The following MICAL2 variants were observed in gnomAD, a reference collection of about 807,000 sequenced individuals.
MICAL2 encodes the protein [F-actin]-monooxygenase MICAL2.
Under a neutral mutation model 127.3 loss-of-function variants are expected in MICAL2, and 77 were observed. The ratio of observed to expected loss-of-function variants is 0.60; its 90% CI spans 0.50 to 0.73. MICAL2 has a LOEUF of 0.73. Among genes scored for constraint, MICAL2 ranks in the 30% least tolerant of loss-of-function variants. The probability of loss-of-function intolerance (pLI) is 0.00; values close to 1 mark genes in which losing one functional copy is unlikely to be tolerated. For missense variants in MICAL2, 1,351 were observed against 1,434.4 expected (o/e 0.94, Z 0.94); for synonymous variants, 570 against 551.1 (o/e 1.03, Z -0.48).
At chr11:12,343,024 A>G (rs568914387) in intron 32 of MICAL2, among the ~76,000 whole-genome samples, 19 of 152,254 alleles carry the variant, frequency 1.2e-4, no homozygotes, top group African/African-American at 4.6e-4. Context: ...CCTGAACCCA[A>G]TACTTTGGGA....
chr11:12,200,625 G>C (rs954267025), intron 3 of MICAL2, among the ~76,000 whole-genome samples: 1 of 152,208 alleles, frequency 6.6e-6, no homozygotes, highest in African/African-American at 2.4e-5. Flanking sequence ...AATTAGGCCC[G>C]TTGGTATTTG....
At chr11:12,314,023 G>T (rs1864204402) in intron 29 of MICAL2, among the ~76,000 whole-genome samples, 1 of 80,896 alleles carries the variant, frequency 1.2e-5, no homozygotes. Context: ...TTTTTCACAT[G>T]ATATCCCGTT....
At chr11:12,211,615 T>C (rs1855480359) in intron 6 of MICAL2, among the ~76,000 whole-genome samples, 1 of 152,134 alleles carries the variant, frequency 6.6e-6, no homozygotes, top group South Asian at 2.1e-4. Context: ...AAAGGTCAGA[T>C]GACAGCAAGA....
chr11:12,185,112 G>C (rs1406102052), intron 3 of MICAL2, among the ~76,000 whole-genome samples: 1 of 38,154 alleles, frequency 2.6e-5, no homozygotes, highest in Non-Finnish European at 5.5e-5. Flanking sequence ...TAGGTGGGTG[G>C]GTGGGTGGGT....
intron 3 of MICAL2, among the ~76,000 whole-genome samples, chr11:12,182,713 G>C (rs1857631477): frequency 6.6e-6 from 1 of 152,160 alleles, no homozygotes; most frequent in African/African-American, 2.4e-5. Context: ...ATGCCTCAAT[G>C]GATGGCTAGT....
rs1860329171 is a variant in MICAL2 at position 12,199,134 on chromosome 11, C to A, written c.265-5116C>A. Reference sequence around the variant, plus strand: ...ATGTGACTTTAAAGACATTTCTTACCCTCTTTACTCAAAAAGAGAGTTAAT... The same window carrying A: ...ATGTGACTTTAAAGACATTTCTTACACTCTTTACTCAAAAAGAGAGTTAAT... On this transcript the variant is annotated intron_variant, in intron 3 of 27. Transcript: ENST00000683283. Among the ~76,000 whole-genome samples, 3 of 152,150 alleles carry A rather than the reference C, an allele frequency of 2.0e-5. No homozygotes were observed. In the South Asian group the frequency reaches 6.2e-4, roughly 32 times the overall value.
chr11:12,356,649 G>A lies in MICAL2; in HGVS notation c.5690-1646G>A, dbSNP rs1292894156. 2.0e-5 allele frequency among the ~76,000 whole-genome samples: 3 copies of A among 152,162 alleles called. No homozygotes were observed. In the East Asian group the frequency reaches 5.8e-4, roughly 29 times the overall value. On this transcript the variant is annotated intron_variant, in intron 34 of 34. Transcript: ENST00000646065. ...CCTGCGGGCATTCCTGGCTCACCCAGCCTCACCTCAGCACATCCTTCATTC... is the reference window on the plus strand; with the variant it reads ...CCTGCGGGCATTCCTGGCTCACCCAACCTCACCTCAGCACATCCTTCATTC...
At chr11:12,167,491 C>G (rs972008962) in intron 3 of MICAL2, among the ~76,000 whole-genome samples, 16 of 152,072 alleles carry the variant, frequency 1.1e-4, no homozygotes, top group African/African-American at 3.9e-4. Context: ...GGGGTGACAC[C>G]GGGAGCAAAG....
chr11:12,239,715 C>A, intron 17 of MICAL2, 130 bp downstream of exon 17: 2 of 1,072,220 alleles, frequency 1.9e-6, no homozygotes, highest in Non-Finnish European at 2.6e-6. Flanking sequence ...CCTTCTAGAT[C>A]AGGAGTCAAC....
chr11:12,265,428 G>A (rs913700304), downstream of MICAL2, among the ~76,000 whole-genome samples: 11 of 151,928 alleles, frequency 7.2e-5, no homozygotes, highest in Non-Finnish European at 1.6e-4. Context: ...TTAGATATGG[G>A]GTGATAACCT....
At chr11:12,281,219 C>T (rs748441069) in intron 2 of MICAL2, 10 of 396,992 alleles carry the variant, frequency 2.5e-5, no homozygotes, top group East Asian at 3.6e-5. Flanking sequence ...GGCTTCAAGG[C>T]GGTGGGGCTA....
intron 29 of MICAL2, among the ~76,000 whole-genome samples, chr11:12,310,195 C>T (rs1417820419): frequency 6.6e-6 from 1 of 152,002 alleles, no homozygotes; most frequent in East Asian, 1.9e-4. Flanking sequence ...TCTCAATAGC[C>T]TGTTTTTGCT....
At chr11:12,334,602 T>TC (rs1938714432) in intron 32 of MICAL2, among the ~76,000 whole-genome samples, 27 of 15,376 alleles carry the variant, frequency 1.8e-3, no homozygotes, top group Admixed American at 2.3e-3. Flanking sequence ...CCCTCCCCCC[T>TC]CCCCCCACCC....
chr11:12,209,633 G>A, intron 6 of MICAL2, 35 bp downstream of exon 6: 3 of 1,546,206 alleles, frequency 1.9e-6, no homozygotes, highest in South Asian at 1.1e-5. Flanking sequence ...GGAATGGGGG[G>A]ATGGGAATGG....
chr11:12,255,469 C>T (rs1021683378), intron 22 of MICAL2, 174 bp from the exon 23 acceptor site: 8 of 604,278 alleles, frequency 1.3e-5, no homozygotes, highest in Non-Finnish European at 2.4e-5. Context: ...CTTTTCTCCA[C>T]CTCCAGAATC....
intron 2 of MICAL2, among the ~76,000 whole-genome samples, chr11:12,157,392 T>G (rs1422110281): frequency 6.6e-6 from 1 of 152,136 alleles, no homozygotes; most frequent in Non-Finnish European, 1.5e-5. Context: ...CTGGGGCCCT[T>G]AATTATAATT....
intron 23 of MICAL2, 149 bp downstream of exon 23, chr11:12,255,899 C>T (rs1862267245): frequency 8.2e-6 from 5 of 610,638 alleles, no homozygotes; most frequent in Non-Finnish European, 1.4e-5. Flanking sequence ...TGAATCAGGG[C>T]AGAAGTTAAA....
intron 32 of MICAL2, among the ~76,000 whole-genome samples, chr11:12,345,037 G>A (rs903734152): frequency 8.6e-5 from 13 of 151,454 alleles, no homozygotes; most frequent in African/African-American, 2.7e-4. Flanking sequence ...GTGTGAACCC[G>A]GGAGGCGGAG....
chr11:12,347,206 C>T (rs1431659442), intron 32 of MICAL2, among the ~76,000 whole-genome samples: 1 of 152,166 alleles, frequency 6.6e-6, no homozygotes, highest in Non-Finnish European at 1.5e-5. Context: ...TTCTTCCACC[C>T]CAGTCCCTCA....
Sources: gnomAD v4.1 joint callset for allele counts (sites outside exome capture counted in the v4.1 genomes callset) on GRCh38, gnomAD v4.1.1 for gene constraint, MANE v1.5 for transcripts, NCBI Gene and HGNC (gene_info 2026-07-23, HGNC 2026-07-21) for gene names.